AXIN1: variants seen among roughly 807,000 people sequenced by gnomAD.
The protein encoded by AXIN1 is axin-1.
AXIN1 carries 30 observed loss-of-function variants against 76.4 expected under a neutral mutation model. That is an observed-to-expected ratio of 0.39 (90% confidence interval 0.29 to 0.53). The LOEUF is 0.53. Among genes scored for constraint, AXIN1 ranks in the 20% least tolerant of loss-of-function variants. The pLI is 0.66. For synonymous variants in AXIN1, 545 were observed against 501.4 expected, an observed-to-expected ratio of 1.09 and a Z score of -1.16; for missense variants, 1,140 against 1,198.8, an observed-to-expected ratio of 0.95 and a Z score of 0.72.
At chr16:289,983 T>C (rs2052509109) in intron 9 of AXIN1, 1 of 372,360 alleles carries the variant, frequency 2.7e-6, no homozygotes, top group South Asian at 2.4e-5. Flanking sequence ...AGGGCAGGGA[T>C]TGGACAAACA....
In AXIN1 at chr16:310,074, C is replaced by G. The variant is rs747033703; in HGVS notation, c.1020-5G>C. 2.2e-5 allele frequency: 36 copies of G among 1,606,762 alleles called. No homozygotes were observed. The highest frequency in any genetic ancestry group is 2.9e-5 in the Non-Finnish European group (34 of 1,177,090). The stretch of plus-strand genomic sequence containing the variant: ...CTGTATGGGGGGATCCCATCCCTGT[C>G]CAGGAGAAAGAGGCAGCCGTTAACT... On this transcript the variant is annotated splice_region_variant and splice_polypyrimidine_tract_variant and intron_variant, in intron 3 of 10. Coordinates refer to ENST00000262320, the MANE Select transcript of AXIN1 (RefSeq NM_003502.4).
Position 287,646 on chromosome 16 carries a change from G to A in AXIN1, c.*476C>T, listed in dbSNP as rs559462815. Reference sequence around the variant, plus strand: ...GAGGCAGGTGCAGTGCTCCGTCGCCGATTCACACAGTGGCAGGCAAGAGAC... The same window carrying A: ...GAGGCAGGTGCAGTGCTCCGTCGCCAATTCACACAGTGGCAGGCAAGAGAC... On this transcript the variant is annotated 3_prime_UTR_variant, in exon 11 of 11. Coordinates refer to ENST00000262320, the MANE Select transcript of AXIN1 (RefSeq NM_003502.4). The A allele has an allele frequency of 1.0e-4, 32 of 318,152 alleles. No homozygotes were observed. The highest frequency in any genetic ancestry group is 4.3e-4 in the South Asian group (8 of 18,586). The allele number at this position is 318,152 out of a possible 1,614,324, so 19.7% of individuals were successfully genotyped here.
chr16:323,416 G>A (rs2053504540), intron 2 of AXIN1, among the ~76,000 whole-genome samples: 1 of 139,776 alleles, frequency 7.2e-6, no homozygotes, highest in Non-Finnish European at 1.5e-5. Context: ...TCCAGCCTGG[G>A]CGACAGAGCG....
intron 7 of AXIN1, among the ~76,000 whole-genome samples, chr16:294,925 G>A (rs552117656): frequency 1.4e-3 from 217 of 151,190 alleles, no homozygotes; most frequent in Non-Finnish European, 2.7e-3. Flanking sequence ...TTAGCCGGGC[G>A]TGGTGGCGGG....
chr16:296,485 G>A (rs1172385164), intron 7 of AXIN1, among the ~76,000 whole-genome samples: 2 of 152,204 alleles, frequency 1.3e-5, no homozygotes, highest in Non-Finnish European at 2.9e-5. Context: ...CACGAGTGCA[G>A]GCCCAGGGGG....
chr16:321,758 G>A (rs1336081712), intron 2 of AXIN1, among the ~76,000 whole-genome samples: 2 of 151,566 alleles, frequency 1.3e-5, no homozygotes, highest in Non-Finnish European at 2.9e-5. Context: ...TGAGGTAGAA[G>A]GTGGATTCCA....
At chr16:298,794 A>C (rs183432609) in intron 5 of AXIN1, among the ~76,000 whole-genome samples, 5 of 150,102 alleles carry the variant, frequency 3.3e-5, no homozygotes, top group Admixed American at 3.3e-4. Flanking sequence ...TTTGAGACAG[A>C]GTCTTGCTCT....
At chr16:307,686 A>G (rs1354636906) in intron 4 of AXIN1, among the ~76,000 whole-genome samples, 1 of 152,194 alleles carries the variant, frequency 6.6e-6, no homozygotes, top group Non-Finnish European at 1.5e-5. Context: ...TTCTGCTCCT[A>G]TGAGCGTCTA....
chr16:346,894 G>C lies in AXIN1; in HGVS notation c.132C>G (p.Phe44Leu), dbSNP rs750396382. Residue 44 changes from phenylalanine to leucine, a missense_variant, in exon 2 of 11, where the codon TTC becomes TTG. Transcript: ENST00000262320. ...STDPRPASYS[F>L]CSGKGVGIKG... ...TAATGCCAACACCTTTCCCGGAGCA[G>C]AAACTGTAGCTGGCGGGCCTCGGGT... 3 of 1,613,722 alleles carry C rather than the reference G, an allele frequency of 1.9e-6. No individual in the cohort carries two copies. The African/African-American group carries it at 4.0e-5, about 22-fold the overall frequency.
At chr16:336,593 G>A (rs572858319) in intron 2 of AXIN1, among the ~76,000 whole-genome samples, 5 of 151,714 alleles carry the variant, frequency 3.3e-5, no homozygotes, top group South Asian at 2.1e-4. Context: ...AGGCCAATGC[G>A]GGCAGATCAC....
At chr16:336,608 T>C (rs1470766462) in intron 2 of AXIN1, among the ~76,000 whole-genome samples, 2 of 151,776 alleles carry the variant, frequency 1.3e-5, no homozygotes, top group African/African-American at 4.8e-5. Flanking sequence ...GATCACGAGG[T>C]CAGTCCAAGA....
At chr16:324,996 T>C (rs1171764050) in intron 2 of AXIN1, among the ~76,000 whole-genome samples, 1 of 152,102 alleles carries the variant, frequency 6.6e-6, no homozygotes, top group Non-Finnish European at 1.5e-5. Flanking sequence ...CACGGCTGGG[T>C]GCTCAGCGGA....
chr16:335,412 T>C (rs371060385), intron 2 of AXIN1, among the ~76,000 whole-genome samples: 1 of 151,824 alleles, frequency 6.6e-6, no homozygotes, highest in Non-Finnish European at 1.5e-5. Context: ...GGCACGCTAA[T>C]TACACAGCAC....
At chr16:300,886 T>C (rs145076820) in intron 5 of AXIN1, among the ~76,000 whole-genome samples, 1,654 of 152,336 alleles carry the variant, frequency 0.011, 30 homozygotes, top group African/African-American at 0.038. Context: ...AATTCTATCA[T>C]GGGGCTGTGA....
chr16:303,968 A>G (rs2141542732), intron 5 of AXIN1, among the ~76,000 whole-genome samples: 1 of 152,324 alleles, frequency 6.6e-6, no homozygotes, highest in African/African-American at 2.4e-5. Context: ...GGGGTGAAGA[A>G]GTTGAGATCA....
intron 2 of AXIN1, among the ~76,000 whole-genome samples, chr16:345,433 G>A (rs1157346798): frequency 3.9e-5 from 6 of 152,224 alleles, no homozygotes; most frequent in African/African-American, 9.6e-5. Context: ...GCAATAATCT[G>A]GCCGGATGCG....
At chr16:341,375 C>G (rs1040607529) in intron 2 of AXIN1, among the ~76,000 whole-genome samples, 2 of 152,246 alleles carry the variant, frequency 1.3e-5, no homozygotes, top group Non-Finnish European at 1.5e-5. Flanking sequence ...CCAGCCCTGC[C>G]GGCCGCGGGC....
At chr16:309,450 G>A (rs1218042351) in intron 4 of AXIN1, among the ~76,000 whole-genome samples, 1 of 152,224 alleles carries the variant, frequency 6.6e-6, no homozygotes, top group Non-Finnish European at 1.5e-5. Flanking sequence ...CTAGCACTCA[G>A]CTCCATGACC....
chr16:346,352 C>T lies in AXIN1; in HGVS notation c.674G>A (p.Ser225Asn), dbSNP rs934043841. The change falls in exon 2 of 11, where the codon AGC becomes AAC. Residue 225 changes from serine (S) to asparagine (N), a missense_variant. This residue lies in a region of AXIN1 where 708 missense variants were observed against 776.9 expected (regional missense o/e 0.91). Transcript: ENST00000262320. ...SESPKVCSDQSSGSGTGKGIS... is the reference protein window; with the variant it reads ...SESPKVCSDQNSGSGTGKGIS... ...GCCCTTCCCTGTCCCTGACCCAGAGCTCTGGTCACTACAGACTTTGGGGCT... is the reference window on the plus strand; with the variant it reads ...GCCCTTCCCTGTCCCTGACCCAGAGTTCTGGTCACTACAGACTTTGGGGCT... The T allele has an allele frequency of 6.2e-7, 1 of 1,614,232 alleles. No individual in the cohort carries two copies. The highest frequency in any genetic ancestry group is 8.5e-7 in the Non-Finnish European group (1 of 1,180,048).
Sources: gnomAD v4.1 joint callset for allele counts (sites outside exome capture counted in the v4.1 genomes callset) on GRCh38, gnomAD v4.1.1 for gene constraint, gnomAD v4.1.1 regional missense constraint, MANE v1.5 for transcripts, NCBI Gene and HGNC (gene_info 2026-07-23, HGNC 2026-07-21) for gene names.